The following PCNX2 variants were observed in gnomAD, a reference collection of about 807,000 sequenced individuals.
PCNX2 encodes pecanex-like protein 2.
In PCNX2, 168 loss-of-function variants were observed where a neutral mutation model predicts 223.8. The ratio of observed to expected loss-of-function variants is 0.75; its 90% CI spans 0.66 to 0.85. The LOEUF is 0.85. PCNX2 is among the 40% of genes least tolerant of loss of function. The pLI is 0.00. For synonymous variants in PCNX2, 1,006 were observed against 1,052.6 expected, an observed-to-expected ratio of 0.96 and a Z score of 0.86; for missense variants, 2,507 against 2,675.5, an observed-to-expected ratio of 0.94 and a Z score of 1.39.
At chr1:233,220,425 C>T (rs1657296756) in intron 10 of PCNX2, among the ~76,000 whole-genome samples, 1 of 152,248 alleles carries the variant, frequency 6.6e-6, no homozygotes, top group Non-Finnish European at 1.5e-5. Flanking sequence ...GTTCCCGTTG[C>T]TCCACATCTT....
At chr1:233,134,177 C>T (rs983113436) in intron 21 of PCNX2, among the ~76,000 whole-genome samples, 1 of 152,168 alleles carries the variant, frequency 6.6e-6, no homozygotes, top group African/African-American at 2.4e-5. Context: ...TATTCAACTG[C>T]CGGTGTGAGT....
chr1:233,093,215 T>C (rs1673977879), intron 22 of PCNX2, among the ~76,000 whole-genome samples: 1 of 152,184 alleles, frequency 6.6e-6, no homozygotes, highest in Non-Finnish European at 1.5e-5. Context: ...GGCTAAGTAT[T>C]TCTAATTATT....
Position 233,252,512 on chromosome 1 carries a change from A to C in PCNX2, c.1983-13T>G, listed in dbSNP as rs370364130. On this transcript the variant is annotated splice_polypyrimidine_tract_variant and intron_variant, in intron 6 of 33. Coordinates refer to ENST00000258229, the MANE Select transcript of PCNX2 (RefSeq NM_014801.4). ...ATTGCCCTGAAAACTTAACACATAT[A>C]AAAGTTTCAAAAAAAATGATTAGAA... 3 of 1,589,994 alleles carry C rather than the reference A, an allele frequency of 1.9e-6. No homozygotes were observed. The African/African-American group carries it at 4.1e-5, about 22-fold the overall frequency.
intron 10 of PCNX2, among the ~76,000 whole-genome samples, chr1:233,225,535 C>T (rs190469951): frequency 1.3e-5 from 2 of 152,280 alleles, no homozygotes; most frequent in East Asian, 3.9e-4. Context: ...TAGGTCATCC[C>T]TAAGCACAAC....
In PCNX2 at chr1:233,258,091, T is replaced by C. The variant is rs756348798; in HGVS notation, c.1771A>G (p.Met591Val). The C allele has an allele frequency of 2.5e-6, 4 of 1,614,026 alleles. No individual in the cohort carries two copies. The South Asian group carries it at 4.4e-5, about 18-fold the overall frequency. Residue 591 changes from methionine to valine, a missense_variant, in exon 5 of 34, where the codon ATG becomes GTG. By Grantham distance (21) the Met-to-Val change is conservative (BLOSUM62 1). Transcript: ENST00000258229. ...SLLESINTSK[M>V]TASSQLNGSA... ...CCATTCAGTTGACTGGATGCCGTCA[T>C]CTTGGAAGTATTAATGGATTCTAAC...
At chr1:233,276,769 G>A (rs147435635) in intron 1 of PCNX2, among the ~76,000 whole-genome samples, 290 of 152,310 alleles carry the variant, frequency 1.9e-3, no homozygotes, top group African/African-American at 6.4e-3. Flanking sequence ...AGATGATCAA[G>A]CTCCACGTTC....
Position 233,139,210 on chromosome 1 carries a change from T to C in PCNX2, c.3659+504A>G, listed in dbSNP as rs1189819977. 1.3e-5 allele frequency among the ~76,000 whole-genome samples: 2 copies of C among 152,218 alleles called. No individual in the cohort carries two copies. Among genetic ancestry groups the C allele is most frequent in the Admixed American group, 1.3e-4 (2 of 15,276 alleles). Reference sequence around the variant, plus strand: ...TACATTGTTAATGCTTTGAAAGACATGGGCATCTTGACAGAATGAAGTCTC... The same window carrying C: ...TACATTGTTAATGCTTTGAAAGACACGGGCATCTTGACAGAATGAAGTCTC... On this transcript the variant is annotated intron_variant, in intron 20 of 33. Transcript: ENST00000258229. This position sits in a 1 kb window ranked among gnomAD's most constrained non-coding sequence, Gnocchi z 4.4.
At position 233,139,824 on chromosome 1, in the gene PCNX2, G is replaced by C. The variant is rs556545897; in HGVS notation, c.3549C>G (p.Leu1183=). 7 of 1,613,314 alleles carry C rather than the reference G, an allele frequency of 4.3e-6. No individual in the cohort carries two copies. The highest frequency in any genetic ancestry group is 5.9e-6 in the Non-Finnish European group (7 of 1,179,730). ...TTTCAAAACACTGAAGCCAAACATA[G>C]AGTCTTTCGAACCACATTAAATGGG... ...DVAHLMWFER[L]YVWLQCFEKY... The change falls in exon 20 of 34, where the codon CTC becomes CTG. Residue 1183 remains leucine, a synonymous_variant. Coordinates refer to ENST00000258229, the MANE Select transcript of PCNX2 (RefSeq NM_014801.4). This position sits in a 1 kb window ranked among gnomAD's most constrained non-coding sequence, Gnocchi z 4.4.
rs752433039 is a variant in PCNX2 at position 233,258,608 on chromosome 1, G to C, written c.1254C>G (p.Ala418=). The C allele has an allele frequency of 6.2e-6, 10 of 1,613,892 alleles. No homozygotes were observed. The highest frequency in any genetic ancestry group is 3.3e-5 in the South Asian group (3 of 91,074). Residue 418 remains alanine (A), a synonymous_variant, in exon 5 of 34, where the codon GCC becomes GCG. Transcript: ENST00000258229. ...AGATCTGCTCGGCATTTGGAGAACC[G>C]GCCGCCCCTGGGTTAGTGGGCTCAG... ...SDAEPTNPGA[A]GSPNAEQISI... is the part of the protein sequence containing the mutation.
intron 15 of PCNX2, among the ~76,000 whole-genome samples, chr1:233,188,025 T>C (rs555480964): frequency 6.6e-6 from 1 of 152,378 alleles, no homozygotes; most frequent in African/African-American, 2.4e-5. Flanking sequence ...ATAGTTATCG[T>C]TGGTATTAGC....
intron 32 of PCNX2, among the ~76,000 whole-genome samples, chr1:232,992,544 G>A (rs566781244): frequency 4.6e-5 from 7 of 152,262 alleles, no homozygotes; most frequent in Admixed American, 1.3e-4. Context: ...AAGGACATTC[G>A]AAGCAGCATC....
chr1:233,120,669 A>G (rs1675729278), intron 21 of PCNX2, among the ~76,000 whole-genome samples: 1 of 152,214 alleles, frequency 6.6e-6, no homozygotes, highest in South Asian at 2.1e-4. Context: ...AGTGAAAAAG[A>G]CAATCCCCAA....
At chr1:233,093,446 C>T (rs966527438) in intron 22 of PCNX2, among the ~76,000 whole-genome samples, 2 of 152,106 alleles carry the variant, frequency 1.3e-5, no homozygotes, top group Admixed American at 6.5e-5. Context: ...AGATGGAGCC[C>T]ACAGCTTCTT....
Position 233,059,451 on chromosome 1 carries a change from C to G in PCNX2, c.4077-2161G>C, listed in dbSNP as rs141742468. Among the ~76,000 whole-genome samples, 272 of 152,258 alleles carry G rather than the reference C, an allele frequency of 1.8e-3. 4 individuals are homozygous for G. Among genetic ancestry groups the G allele is most frequent in the Non-Finnish European group, 2.8e-3 (193 of 68,030 alleles). ...TCTCACGGCGGATGAGGCAGAGGCA[C>G]AGAGAAATTAAATAGAGTGCTCAAG... On this transcript the variant is annotated intron_variant, in intron 23 of 33. Transcript: ENST00000258229.
At chr1:233,119,442 G>A (rs554482191) in intron 21 of PCNX2, among the ~76,000 whole-genome samples, 189 of 132,390 alleles carry the variant, frequency 1.4e-3, no homozygotes, top group South Asian at 3.3e-3. Flanking sequence ...AAAAATTGCC[G>A]GGCGTGGTGG....
chr1:233,073,122 T>C (rs61610598), intron 23 of PCNX2, among the ~76,000 whole-genome samples: 1,711 of 152,268 alleles, frequency 0.011, 30 homozygotes, highest in African/African-American at 0.039. Context: ...CTTTGGTAGT[T>C]TGTATGTCTT....
chr1:233,098,100 C>G (rs1286943571), intron 21 of PCNX2, among the ~76,000 whole-genome samples: 1 of 152,168 alleles, frequency 6.6e-6, no homozygotes, highest in African/African-American at 2.4e-5. Flanking sequence ...AAACTGCAAG[C>G]ATGAACAAGA....
rs560760227 is a variant in PCNX2, at chr1:233,022,341, A to G, written c.4605+2805T>C. On this transcript the variant is annotated intron_variant, in intron 26 of 33. Transcript: ENST00000258229. ...CAAGCAGAGCTCTGAGGACCCAAAG[A>G]GGACTCAGTTGTGGCTTCTCTGTTT... Among the ~76,000 whole-genome samples, 11 of 152,332 alleles carry G rather than the reference A, an allele frequency of 7.2e-5. No individual in the cohort carries two copies. In the South Asian group the frequency reaches 2.3e-3, roughly 32 times the overall value.
chr1:233,187,253 G>GT (rs1680157223), intron 15 of PCNX2, among the ~76,000 whole-genome samples: 1 of 152,126 alleles, frequency 6.6e-6, no homozygotes, highest in African/African-American at 2.4e-5. Context: ...AGTTATTGTG[G>GT]TAAGTATCTA....
Sources: allele counts gnomAD v4.1 joint callset (sites outside exome capture counted in the v4.1 genomes callset), GRCh38; gene constraint gnomAD v4.1.1; non-coding constraint Gnocchi (gnomAD v3.1); transcripts MANE v1.5; gene names NCBI Gene and HGNC (gene_info 2026-07-23, HGNC 2026-07-21).